The following LARGE1 variants were observed in gnomAD, a reference collection of about 807,000 sequenced individuals.
LARGE1 encodes LARGE xylosyl- and glucuronyltransferase 1, also known as xylosyl- and glucuronyltransferase LARGE1.
In LARGE1, 43 loss-of-function variants were observed where a neutral mutation model predicts 87.6. The ratio of observed to expected loss-of-function variants is 0.49; its 90% CI spans 0.38 to 0.63. The LOEUF is 0.63. Among genes scored for constraint, LARGE1 ranks in the 30% least tolerant of loss-of-function variants. The pLI, the probability that LARGE1 is intolerant of heterozygous loss-of-function variation, is 0.00. For synonymous variants in LARGE1, 434 were observed against 394.6 expected (o/e 1.10, Z -1.18); for missense variants, 802 against 1,000.2 (o/e 0.80, Z 2.67).
intron 11 of LARGE1, among the ~76,000 whole-genome samples, chr22:33,312,176 C>T (rs1334623097): frequency 6.6e-6 from 1 of 151,998 alleles, no homozygotes; most frequent in Admixed American, 6.6e-5. Flanking sequence ...GAAACTGAGG[C>T]TTAAAGAAGT....
chr22:33,511,746 T>C (rs2071064490), intron 6 of LARGE1, among the ~76,000 whole-genome samples: 1 of 152,218 alleles, frequency 6.6e-6, no homozygotes, highest in African/African-American at 2.4e-5. Flanking sequence ...ATTCCATCCT[T>C]GTAAGACAAA....
chr22:33,079,285 T>C, the LARGE1 span, among the ~76,000 whole-genome samples: 2 of 142,720 alleles, frequency 1.4e-5, no homozygotes, highest in Non-Finnish European at 3.0e-5. Flanking sequence ...TGGAGGACAG[T>C]GGCGTGATCT....
chr22:33,887,815 T>G (rs982486987), intron 1 of LARGE1, among the ~76,000 whole-genome samples: 5 of 152,206 alleles, frequency 3.3e-5, no homozygotes, highest in Non-Finnish European at 1.5e-5. Flanking sequence ...AAGGTTCTCA[T>G]GCCTATGATT....
In LARGE1 at chr22:33,626,276, G is replaced by A. The variant is rs199822331; in HGVS notation, c.459C>T (p.Val153=). The change falls in exon 4 of 15, where the codon GTC becomes GTT. Residue 153 remains valine, a synonymous_variant. Transcript: ENST00000397394. ...VCAGYNASRD[V]VTLVKSVLFH... is the part of the protein sequence containing the mutation. The stretch of plus-strand genomic sequence containing the variant: ...ACAGGACGGATTTGACCAGGGTGAC[G>A]ACATCCCGGCTGGCATTGTATCCGG... The A allele has an allele frequency of 2.4e-5, 39 of 1,614,068 alleles. No homozygotes were observed. The highest frequency in any genetic ancestry group is 3.3e-5 in the Admixed American group (2 of 60,002).
At chr22:33,171,173 C>T (rs1030666024) in intron 11 of LARGE1, among the ~76,000 whole-genome samples, 8 of 152,108 alleles carry the variant, frequency 5.3e-5, no homozygotes, top group Non-Finnish European at 8.8e-5. Flanking sequence ...AATTTCTAAG[C>T]AGCAAAGCAT....
intron 1 of LARGE1, among the ~76,000 whole-genome samples, chr22:33,895,954 T>C: frequency 7.2e-6 from 1 of 139,004 alleles, no homozygotes; most frequent in South Asian, 2.4e-4. Context: ...ACTTACAATT[T>C]TACCCATTTT....
chr22:33,495,886 C>T (rs912541757), intron 6 of LARGE1, among the ~76,000 whole-genome samples: 1 of 152,094 alleles, frequency 6.6e-6, no homozygotes, highest in Admixed American at 6.6e-5. Context: ...AAATCTAGTC[C>T]TCAGTGTGGT....
In LARGE1 at chr22:33,219,113, G is replaced by A. The variant is rs79674231; in HGVS notation, c.1731-52281C>T. On this transcript the variant is annotated intron_variant, in intron 11 of 11. Coordinates refer to the LARGE1 transcript ENST00000608642. ...CCACCTGGAAGCACCACCTACATGA[G>A]AAACAAATGTATTGAGGCACTGAAA... Among the ~76,000 whole-genome samples the A allele has an allele frequency of 4.6e-3, 700 of 152,292 alleles. 7 individuals are homozygous for A. Among genetic ancestry groups the A allele is most frequent in the African/African-American group, 0.016 (683 of 41,568 alleles).
At chr22:33,423,132 A>G (rs1280806346) in intron 7 of LARGE1, among the ~76,000 whole-genome samples, 4 of 152,052 alleles carry the variant, frequency 2.6e-5, no homozygotes, top group Non-Finnish European at 5.9e-5. Context: ...AATGTACCAC[A>G]AATTTGGCAA....
At chr22:33,450,745 T>A (rs1270994877) in intron 6 of LARGE1, among the ~76,000 whole-genome samples, 1 of 152,204 alleles carries the variant, frequency 6.6e-6, no homozygotes, top group African/African-American at 2.4e-5. Flanking sequence ...GCTGTGAGGG[T>A]AAATGATATT....
intron 2 of LARGE1, among the ~76,000 whole-genome samples, chr22:33,718,530 T>C (rs2082978960): frequency 6.6e-6 from 1 of 152,244 alleles, no homozygotes; most frequent in South Asian, 2.1e-4. Flanking sequence ...TTAATAGACA[T>C]AGGTTCTTAT....
intron 11 of LARGE1, among the ~76,000 whole-genome samples, chr22:33,253,949 T>A (rs1266435987): frequency 1.3e-5 from 2 of 151,372 alleles, no homozygotes; most frequent in African/African-American, 4.9e-5. Context: ...AATCTTTAGC[T>A]TGCCACCTAT....
chr22:33,475,074 T>G (rs987290184), intron 6 of LARGE1, among the ~76,000 whole-genome samples: 4 of 152,052 alleles, frequency 2.6e-5, no homozygotes, highest in African/African-American at 9.7e-5. Context: ...CAGGCTGAAT[T>G]TGGGGACAGG....
the LARGE1 span, among the ~76,000 whole-genome samples, chr22:33,131,848 T>C: frequency 6.6e-6 from 1 of 151,570 alleles, no homozygotes; most frequent in Non-Finnish European, 1.5e-5. Flanking sequence ...TACCTGAGAC[T>C]AGGCAATTTA....
At chr22:33,735,555 G>T (rs1183539669) in intron 2 of LARGE1, among the ~76,000 whole-genome samples, 6 of 152,154 alleles carry the variant, frequency 3.9e-5, no homozygotes, top group Non-Finnish European at 8.8e-5. Context: ...GAAAGGGAGG[G>T]TTGAAAGAAC....
At chr22:33,582,359 T>C (rs750329697) in intron 5 of LARGE1, among the ~76,000 whole-genome samples, 12 of 151,378 alleles carry the variant, frequency 7.9e-5, no homozygotes, top group Non-Finnish European at 1.6e-4. Context: ...TTTGACCTAA[T>C]GGAAAACATT....
the LARGE1 span, among the ~76,000 whole-genome samples, chr22:33,126,770 A>G: frequency 1.8e-4 from 28 of 152,242 alleles, no homozygotes; most frequent in African/African-American, 6.0e-4. Flanking sequence ...CACTTCATGG[A>G]AGTTATATTT....
chr22:33,221,184 AGAGG>A (rs941943311), intron 11 of LARGE1, among the ~76,000 whole-genome samples: 1 of 152,048 alleles, frequency 6.6e-6, no homozygotes, highest in African/African-American at 2.4e-5. Context: ...AGAGAGAGAG[AGAGG>A]GAATAACACA....
chr22:33,144,204 T>A, the LARGE1 span, among the ~76,000 whole-genome samples: 1 of 152,138 alleles, frequency 6.6e-6, no homozygotes, highest in Admixed American at 6.6e-5. Context: ...AAAAAAGTGA[T>A]TGATGGCTTG....
Sources: allele counts gnomAD v4.1 joint callset (sites outside exome capture counted in the v4.1 genomes callset), GRCh38; gene constraint gnomAD v4.1.1; transcripts MANE v1.5; gene names NCBI Gene and HGNC (gene_info 2026-07-23, HGNC 2026-07-21).